SYBU: variants seen among roughly 807,000 people sequenced by gnomAD.
SYBU encodes the protein syntabulin, also known as GOLSYN A protein.
SYBU carries 21 observed loss-of-function variants against 35.9 expected under a neutral mutation model. The ratio of observed to expected loss-of-function variants is 0.58; its 90% CI spans 0.41 to 0.84. The LOEUF (loss-of-function observed/expected upper bound fraction) is 0.84, where lower values mean the gene tolerates loss of function less well. Ranked by LOEUF, SYBU falls within the 40% of genes least tolerant of loss-of-function variation. The probability of loss-of-function intolerance (pLI) is 0.00; values close to 1 mark genes in which losing one functional copy is unlikely to be tolerated. For synonymous variants in SYBU, 319 were observed against 324.3 expected (o/e 0.98, Z 0.18); for missense variants, 768 against 848.2 (o/e 0.91, Z 1.17).
chr8:109,590,768 A>G (rs1800218779), intron 3 of SYBU, among the ~76,000 whole-genome samples: 1 of 66,046 alleles, frequency 1.5e-5, no homozygotes, highest in Non-Finnish European at 2.5e-5. Flanking sequence ...ATAAAATTAG[A>G]AAAAAAAAAA....
intron 1 of SYBU, among the ~76,000 whole-genome samples, chr8:109,660,228 C>T (rs1175950260): frequency 6.6e-6 from 1 of 152,134 alleles, no homozygotes; most frequent in Non-Finnish European, 1.5e-5. Context: ...CACAGCTATT[C>T]ATAAGTTCTT....
intron 1 of SYBU, among the ~76,000 whole-genome samples, chr8:109,660,383 T>C (rs1384785397): frequency 2.0e-5 from 3 of 152,220 alleles, no homozygotes; most frequent in Non-Finnish European, 4.4e-5. Flanking sequence ...TAGTATTGTA[T>C]CTTATCTCAC....
chr8:109,586,049 A>G lies in SYBU; in HGVS notation c.530+11T>C. On this transcript the variant is annotated intron_variant, in intron 4 of 6. Coordinates refer to ENST00000276646, the MANE Select transcript of SYBU (RefSeq NM_001099754.2). ...AAGCGTCTTAATTACAGAGCAGGAGATGGTGCCTACTTGCGTGAAGAAGAA... is the reference window on the plus strand; with the variant it reads ...AAGCGTCTTAATTACAGAGCAGGAGGTGGTGCCTACTTGCGTGAAGAAGAA... 1 of 1,599,042 alleles carries G rather than the reference A, an allele frequency of 6.3e-7. No homozygotes were observed. Among genetic ancestry groups the G allele is most frequent in the Non-Finnish European group, 8.5e-7 (1 of 1,171,430 alleles).
At position 109,678,309 on chromosome 8, in the gene SYBU, T is replaced by C. The variant is rs1035600855; in HGVS notation, c.-129+2402A>G. Among the ~76,000 whole-genome samples the C allele has an allele frequency of 1.4e-4, 22 of 152,110 alleles. 2 individuals are homozygous for C. The highest frequency in any genetic ancestry group is 3.4e-3 in the Middle Eastern group (1 of 294). ...TTGCACCCCTATGAATTTTATGTCATGTCCCATAACTTAAGATTGTTAGGT... is the reference window on the plus strand; with the variant it reads ...TTGCACCCCTATGAATTTTATGTCACGTCCCATAACTTAAGATTGTTAGGT... On this transcript the variant is annotated intron_variant, in intron 1 of 5. Coordinates refer to the SYBU transcript ENST00000408889.
intron 1 of SYBU, among the ~76,000 whole-genome samples, chr8:109,650,398 G>A (rs1422026168): frequency 6.6e-6 from 1 of 152,190 alleles, no homozygotes; most frequent in African/African-American, 2.4e-5. Context: ...AAAAGAGGAA[G>A]ACTTTGAGTG....
At chr8:109,667,301 A>G (rs569078765) in intron 1 of SYBU, among the ~76,000 whole-genome samples, 1 of 152,108 alleles carries the variant, frequency 6.6e-6, no homozygotes, top group East Asian at 1.9e-4. Flanking sequence ...TATTTTTAGT[A>G]GAGACGGGGT....
intron 3 of SYBU, among the ~76,000 whole-genome samples, chr8:109,601,872 G>A (rs778760014): frequency 6.6e-6 from 1 of 152,146 alleles, no homozygotes; most frequent in Non-Finnish European, 1.5e-5. Flanking sequence ...ATTATGCTAT[G>A]GGCAAGAGGG....
chr8:109,592,853 G>T (rs1345429764), intron 3 of SYBU, among the ~76,000 whole-genome samples: 1 of 152,010 alleles, frequency 6.6e-6, no homozygotes, highest in African/African-American at 2.4e-5. Flanking sequence ...TATTTATTTA[G>T]CAAAAAGTTA....
At chr8:109,659,510 AT>A (rs1816482982) in intron 1 of SYBU, among the ~76,000 whole-genome samples, 1 of 152,218 alleles carries the variant, frequency 6.6e-6, no homozygotes, top group Admixed American at 6.5e-5. Flanking sequence ...TGAGAAGCCC[AT>A]GATGCCATTG....
chr8:109,615,529 C>T (rs2844247), intron 3 of SYBU, among the ~76,000 whole-genome samples: 46,303 of 151,842 alleles, frequency 0.3, 7,940 homozygotes, highest in African/African-American at 0.45. Flanking sequence ...AAGAACTTAC[C>T]GTACAGAATT....
chr8:109,585,374 C>G (rs1026484637), intron 4 of SYBU, among the ~76,000 whole-genome samples: 11 of 152,164 alleles, frequency 7.2e-5, no homozygotes, highest in African/African-American at 2.2e-4. Flanking sequence ...TTGTTTAATC[C>G]TAACAATAAA....
intron 3 of SYBU, chr8:109,603,387 C>A (rs1454964185): frequency 1.4e-5 from 14 of 984,928 alleles, no homozygotes; most frequent in Non-Finnish European, 1.6e-5. Flanking sequence ...ACAAATTATG[C>A]TCTGCATTTC....
At chr8:109,590,297 G>A (rs1586757027) in intron 3 of SYBU, among the ~76,000 whole-genome samples, 1 of 152,104 alleles carries the variant, frequency 6.6e-6, no homozygotes, top group Admixed American at 6.5e-5. Flanking sequence ...GCCTAAAAAG[G>A]GTTTTTGTTT....
Position 109,574,054 on chromosome 8 carries a change from A to ATAAC in SYBU, c.*848_*851dup, listed in dbSNP as rs1342280281. ...GGGTAGGAAATCTTCATTTTCTTTA[A>ATAAC]TAACTAACTCTTTTTCCCTCTTCCT... On this transcript the variant is annotated 3_prime_UTR_variant, in exon 7 of 7. Transcript: ENST00000276646. The ATAAC allele has an allele frequency of 3.9e-5, 6 of 152,304 alleles. No individual in the cohort carries two copies. Among genetic ancestry groups the ATAAC allele is most frequent in the South Asian group, 4.1e-4 (2 of 4,828 alleles). 9.4% of individuals were successfully genotyped at this position (152,304 alleles called of 1,614,324 possible). A position where few individuals can be genotyped will look rare whatever the true frequency, so the allele number is the denominator to read the frequency against.
Position 109,644,762 on chromosome 8 carries a change from C to CGGGCGGCGGCTCTTGGTG in SYBU, c.-121_-104dup. Reference sequence around the variant, plus strand: ...GACTGCGCTGAGCCGGCGCGGGCTGCGGGCGGCGGCTCTTGGTGAGGCTCC... The same window carrying CGGGCGGCGGCTCTTGGTG: ...GACTGCGCTGAGCCGGCGCGGGCTGCGGGCGGCGGCTCTTGGTGGGGCGGCGGCTCTTGGTGAGGCTCC... On this transcript the variant is annotated 5_prime_UTR_variant, in exon 1 of 7. Coordinates refer to ENST00000276646, the MANE Select transcript of SYBU (RefSeq NM_001099754.2). 1 of 1,174,518 alleles carries CGGGCGGCGGCTCTTGGTG rather than the reference C, an allele frequency of 8.5e-7. No individual in the cohort carries two copies. The highest frequency in any genetic ancestry group is 1.1e-6 in the Non-Finnish European group (1 of 908,030). The allele number at this position is 1,174,518 out of a possible 1,614,324, so 72.8% of individuals were successfully genotyped here.
Position 109,586,113 on chromosome 8 carries a change from A to C in SYBU, c.477T>G (p.Ala159=). The change falls in exon 4 of 7, where the codon GCT becomes GCG. Residue 159 remains alanine, a synonymous_variant. Transcript: ENST00000276646. The part of the protein sequence containing the change: ...SSSSSTGSIS[A]PEVHMSTAGS... ...CCGCAGTCGACATATGGACCTCAGG[A>C]GCGGAAATGCTGCCTGTGCTGCTCG... 1 of 1,612,100 alleles carries C rather than the reference A, an allele frequency of 6.2e-7. No individual in the cohort carries two copies. The highest frequency in any genetic ancestry group is 1.1e-5 in the South Asian group (1 of 90,310).
intron 2 of SYBU, among the ~76,000 whole-genome samples, chr8:109,619,285 G>A (rs944267553): frequency 6.6e-5 from 10 of 151,326 alleles, no homozygotes; most frequent in East Asian, 3.9e-4. Context: ...GTGCAGCGGC[G>A]TGATCTCAGT....
chr8:109,679,685 G>A (rs1586998357), intron 1 of SYBU, among the ~76,000 whole-genome samples: 1 of 152,326 alleles, frequency 6.6e-6, no homozygotes, highest in East Asian at 1.9e-4. Context: ...TATTAGGAAC[G>A]AGATGACTCT....
Position 109,691,370 on chromosome 8 carries a change from G to A in SYBU, c.-95C>T, listed in dbSNP as rs1383092234. 3.1e-5 allele frequency: 22 copies of A among 698,552 alleles called. No homozygotes were observed. The highest frequency in any genetic ancestry group is 2.2e-4 in the Admixed American group (11 of 49,598). The allele number at this position is 698,552 out of a possible 1,614,324, so 43.3% of individuals were successfully genotyped here. A position where few individuals can be genotyped will look rare whatever the true frequency, so the allele number is the denominator to read the frequency against. On this transcript the variant is annotated 5_prime_UTR_variant, in exon 1 of 8. Coordinates refer to the SYBU transcript ENST00000422135. The surrounding 1 kb of genome is among the most constrained non-coding windows in gnomAD (Gnocchi z 4.7). ...AGAAGGGCCCCATCGCGCTGTCCAG[G>A]AGGAGGCACCTACGTGCGCCCGGGA...
Sources: gnomAD v4.1 joint callset for allele counts (sites outside exome capture counted in the v4.1 genomes callset) on GRCh38, gnomAD v4.1.1 for gene constraint, Gnocchi (gnomAD v3.1) non-coding constraint, MANE v1.5 for transcripts, NCBI Gene and HGNC (gene_info 2026-07-23, HGNC 2026-07-21) for gene names.